The following GON4L variants were observed in gnomAD, a reference collection of about 807,000 sequenced individuals.
GON4L encodes gon-4 like, also known as GON-4-like protein.
In GON4L, 87 loss-of-function variants were observed where a neutral mutation model predicts 211.8. The ratio of observed to expected loss-of-function variants is 0.41; its 90% confidence interval spans 0.35 to 0.49. GON4L has a LOEUF of 0.49. Ranked by LOEUF, GON4L falls within the 20% of genes least tolerant of loss-of-function variation. The probability of loss-of-function intolerance (pLI) is 0.15; values close to 1 mark genes in which losing one functional copy is unlikely to be tolerated. For missense variants in GON4L, 2,155 were observed against 2,659.5 expected, an observed-to-expected ratio of 0.81 and a Z score of 4.17; for synonymous variants, 875 against 962.6, an observed-to-expected ratio of 0.91 and a Z score of 1.68.
chr1:155,826,594 A>G (rs1343854875), intron 3 of GON4L, among the ~76,000 whole-genome samples: 1 of 151,998 alleles, frequency 6.6e-6, no homozygotes, highest in Non-Finnish European at 1.5e-5. Flanking sequence ...AATTGAACCA[A>G]TATATGATGC....
At chr1:155,777,925 T>C in intron 14 of GON4L, 105 bp from the exon 15 acceptor site, 2 of 751,072 alleles carry the variant, frequency 2.7e-6, no homozygotes, top group Non-Finnish European at 2.4e-6. Context: ...TTTCATTCCC[T>C]ACTAATCCCC....
chr1:155,767,041 A>G, intron 20 of GON4L: 1 of 555,308 alleles, frequency 1.8e-6, no homozygotes, highest in Non-Finnish European at 3.1e-6. Flanking sequence ...TCTGTCTCAA[A>G]AACAAAACAA....
At chr1:155,753,451 C>T (rs772695673) in intron 28 of GON4L, 37 bp from the exon 29 acceptor site, 5 of 1,500,840 alleles carry the variant, frequency 3.3e-6, no homozygotes, top group Non-Finnish European at 4.6e-6. Flanking sequence ...GGTGTTCTGA[C>T]TGCCTATGTC....
chr1:155,749,264 G>C, downstream of GON4L: 2 of 1,587,412 alleles, frequency 1.3e-6, no homozygotes, highest in South Asian at 2.3e-5. Context: ...AAAAGAAAAA[G>C]AATTCTTAGT....
chr1:155,777,037 C>G (rs1663887613), intron 15 of GON4L, among the ~76,000 whole-genome samples: 1 of 152,126 alleles, frequency 6.6e-6, no homozygotes, highest in Non-Finnish European at 1.5e-5. Context: ...AAAGGAAAAA[C>G]AAACCTACTT....
At chr1:155,828,807 C>CAAA (rs34551835) in intron 2 of GON4L, among the ~76,000 whole-genome samples, 20 of 72,668 alleles carry the variant, frequency 2.8e-4, no homozygotes, top group African/African-American at 6.5e-4. Context: ...GACTCTGTCT[C>CAAA]AAAAAAAAAA....
At position 155,853,582 on chromosome 1, in the gene GON4L, C is replaced by T; in HGVS notation, c.199G>A (p.Ala67Thr). The change falls in exon 2 of 32, where the codon GCA becomes ACA. Residue 67 changes from alanine (A) to threonine (T), a missense_variant. By Grantham distance (58) the Ala-to-Thr change is moderately conservative. Transcript: ENST00000368331. Reference protein sequence around the residue: ...AGFEVQSLQDAGNQLGMEDTS... With the variant: ...AGFEVQSLQDTGNQLGMEDTS... ...TCCTCCATACCAAGCTGATTTCCTG[C>T]ATCCTGCAAAGACTGTACTTCGAAG... The T allele has an allele frequency of 1.2e-6, 2 of 1,614,188 alleles. No homozygotes were observed. Among genetic ancestry groups the T allele is most frequent in the Non-Finnish European group, 8.5e-7 (1 of 1,180,006 alleles).
intron 2 of GON4L, among the ~76,000 whole-genome samples, chr1:155,851,353 CAA>C (rs372086000): frequency 7.4e-6 from 1 of 135,678 alleles, no homozygotes; most frequent in Admixed American, 7.4e-5. Flanking sequence ...GACTACGTCT[CAA>C]AAAAAAAAAA....
chr1:155,846,031 C>A, intron 2 of GON4L: 1 of 208,440 alleles, frequency 4.8e-6, no homozygotes, highest in South Asian at 8.9e-5. Flanking sequence ...AACTGTCCAC[C>A]AACCACCAAT....
chr1:155,836,014 C>A (rs1381920282), intron 2 of GON4L, among the ~76,000 whole-genome samples: 1 of 152,146 alleles, frequency 6.6e-6, no homozygotes, highest in African/African-American at 2.4e-5. Flanking sequence ...GAGGCCAAGG[C>A]AGGTGGATTG....
intron 3 of GON4L, among the ~76,000 whole-genome samples, chr1:155,826,064 T>A (rs993445046): frequency 7.9e-5 from 12 of 151,272 alleles, no homozygotes; most frequent in Non-Finnish European, 1.8e-4. Flanking sequence ...AGAAAAAAAA[T>A]TAGCTGGCTG....
rs201707171 is a variant in GON4L, at chr1:155,832,299, A to G, written c.506-5271T>C. Among the ~76,000 whole-genome samples the G allele has an allele frequency of 7.2e-3, 1,070 of 149,166 alleles. 4 individuals carry two copies. Among genetic ancestry groups the G allele is most frequent in the East Asian group, 0.018 (92 of 5,100 alleles). ...CGTCTCAAAAAAAAAAAAAAAAAAA[A>G]AAAGAAAGAAAAAAAAAGAAAAAAG... is the stretch of plus-strand genomic sequence containing the variant. On this transcript the variant is annotated intron_variant, in intron 2 of 31. Transcript: ENST00000368331.
At chr1:155,770,023 TAAAAAAAAAAAAAAA>T (rs59380170) in intron 19 of GON4L, among the ~76,000 whole-genome samples, 5 of 43,692 alleles carry the variant, frequency 1.1e-4, no homozygotes, top group Non-Finnish European at 1.7e-4. Context: ...CTCCATTTCT[TAAAAAAAAAAAAAAA>T]AAAAAAAAAA....
chr1:155,834,817 T>C (rs896655980), intron 2 of GON4L, among the ~76,000 whole-genome samples: 1 of 152,036 alleles, frequency 6.6e-6, no homozygotes, highest in Non-Finnish European at 1.5e-5. Flanking sequence ...CCATTAAAAA[T>C]CCGCCCCTTC....
At chr1:155,770,023 TAAAAAAAAAAAA>T (rs59380170) in intron 19 of GON4L, among the ~76,000 whole-genome samples, 8 of 43,692 alleles carry the variant, frequency 1.8e-4, no homozygotes, top group South Asian at 1.1e-3. Flanking sequence ...CTCCATTTCT[TAAAAAAAAAAAA>T]AAAAAAAAAA....
rs1391595383 is a variant in GON4L, at chr1:155,778,425, G to A, written c.1893-605C>T. Among the ~76,000 whole-genome samples, 5 of 152,160 alleles carry A rather than the reference G, an allele frequency of 3.3e-5. No homozygotes were observed. The South Asian group carries it at 1.0e-3, about 32-fold the overall frequency. Reference sequence around the variant, plus strand: ...TGCCACCACGCCCAGCTAATTTTTTGTATTTTTAGTAGAGATGGGATTTCA... The same window carrying A: ...TGCCACCACGCCCAGCTAATTTTTTATATTTTTAGTAGAGATGGGATTTCA... On this transcript the variant is annotated intron_variant, in intron 14 of 31. Coordinates refer to ENST00000368331, the MANE Select transcript of GON4L (RefSeq NM_001282860.2).
intron 14 of GON4L, among the ~76,000 whole-genome samples, chr1:155,782,920 A>C (rs1664568990): frequency 6.6e-6 from 1 of 152,090 alleles, no homozygotes; most frequent in Admixed American, 6.6e-5. Context: ...CCGCCTCCCA[A>C]AGTGCAGGGA....
At chr1:155,780,520 G>T (rs1472236698) in intron 14 of GON4L, among the ~76,000 whole-genome samples, 1 of 152,054 alleles carries the variant, frequency 6.6e-6, no homozygotes, top group Non-Finnish European at 1.5e-5. Flanking sequence ...TTGAACCCGG[G>T]AGGCAGAGGT....
At chr1:155,854,894 G>C (rs747640556) in intron 1 of GON4L, among the ~76,000 whole-genome samples, 11 of 152,054 alleles carry the variant, frequency 7.2e-5, no homozygotes, top group Non-Finnish European at 1.6e-4. Context: ...AATTAGCCGG[G>C]CGTGGTGGCA....
Sources: allele counts gnomAD v4.1 joint callset (sites outside exome capture counted in the v4.1 genomes callset), GRCh38; gene constraint gnomAD v4.1.1; transcripts MANE v1.5; gene names NCBI Gene and HGNC (gene_info 2026-07-23, HGNC 2026-07-21).